Variants in RCSD1 observed in about 807,000 individuals in gnomAD.
RCSD1 encodes the protein capZ-interacting protein.
In RCSD1, 26 loss-of-function variants were observed where a neutral mutation model predicts 42.5. That is an observed-to-expected ratio of 0.61 (90% CI 0.45 to 0.85). The LOEUF is 0.85. Ranked by LOEUF, RCSD1 falls within the 40% of genes least tolerant of loss-of-function variation. The pLI is 0.00. For synonymous variants in RCSD1, 220 were observed against 212.2 expected (o/e 1.04, Z -0.32); for missense variants, 571 against 528.3 (o/e 1.08, Z -0.79).
At chr1:167,703,597 T>A (rs1659691531) in intron 6 of RCSD1, among the ~76,000 whole-genome samples, 1 of 152,202 alleles carries the variant, frequency 6.6e-6, no homozygotes. Flanking sequence ...CAAATGCCTC[T>A]TCCTATAAAT....
At chr1:167,642,518 T>C (rs1450793259) in intron 1 of RCSD1, among the ~76,000 whole-genome samples, 1 of 152,202 alleles carries the variant, frequency 6.6e-6, no homozygotes, top group African/African-American at 2.4e-5. Flanking sequence ...GGGGTGCAGA[T>C]ATGCAGGAAA....
At chr1:167,652,700 A>G (rs1230990926) in intron 1 of RCSD1, among the ~76,000 whole-genome samples, 2 of 152,184 alleles carry the variant, frequency 1.3e-5, no homozygotes, top group Non-Finnish European at 2.9e-5. Flanking sequence ...CGCAGGGCAC[A>G]AAGCATGGGG....
chr1:167,683,421 T>A (rs1659132314), intron 1 of RCSD1, among the ~76,000 whole-genome samples: 1 of 152,204 alleles, frequency 6.6e-6, no homozygotes, highest in Non-Finnish European at 1.5e-5. Flanking sequence ...TCGTGTCACT[T>A]ACTTATTAAT....
rs865827565 is a variant in RCSD1 at position 167,706,976 on chromosome 1, A to G, written c.*2280A>G. Reference sequence around the variant, plus strand: ...GGCTTCCATAATGGGTTTGAAAGAAAACACGGATTCTTCTACAGCAACAGA... The same window carrying G: ...GGCTTCCATAATGGGTTTGAAAGAAGACACGGATTCTTCTACAGCAACAGA... On this transcript the variant is annotated 3_prime_UTR_variant, in exon 7 of 7. Transcript: ENST00000367854. Among the ~76,000 whole-genome samples, 1 of 152,368 alleles carries G rather than the reference A, an allele frequency of 6.6e-6. No homozygotes were observed. The highest frequency in any genetic ancestry group is 2.1e-4 in the South Asian group (1 of 4,832).
At chr1:167,644,351 C>T (rs910702141) in intron 1 of RCSD1, among the ~76,000 whole-genome samples, 2 of 152,006 alleles carry the variant, frequency 1.3e-5, no homozygotes, top group South Asian at 2.1e-4. Context: ...TGGTGGTGTG[C>T]GCCTATAATC....
chr1:167,673,842 C>T (rs193058315), intron 1 of RCSD1, among the ~76,000 whole-genome samples: 198 of 152,342 alleles, frequency 1.3e-3, no homozygotes, highest in Non-Finnish European at 1.8e-4. Context: ...CCCCTCATGC[C>T]CACCTTCTCT....
At position 167,694,136 on chromosome 1, in the gene RCSD1, G is replaced by A; in HGVS notation, c.308G>A (p.Gly103Glu). Residue 103 changes from glycine (G) to glutamate (E), a missense_variant, in exon 5 of 7, where the codon GGG becomes GAG. Coordinates refer to ENST00000367854, the MANE Select transcript of RCSD1 (RefSeq NM_052862.4). ...LTFDPAALLP[G>E]ASPKSPGLKA... ...TTTGACCCAGCTGCTCTACTGCCTG[G>A]GGCCTCACCCAAGAGTCCTGGACTC... The A allele has an allele frequency of 1.9e-6, 3 of 1,614,144 alleles. No homozygotes were observed. The highest frequency in any genetic ancestry group is 2.5e-6 in the Non-Finnish European group (3 of 1,180,026).
At chr1:167,655,075 C>T (rs1658393124) in intron 1 of RCSD1, among the ~76,000 whole-genome samples, 1 of 152,136 alleles carries the variant, frequency 6.6e-6, no homozygotes, top group African/African-American at 2.4e-5. Flanking sequence ...GTACAAGGGC[C>T]TCTTGTTTCC....
At chr1:167,666,400 C>A (rs1658657098) in intron 1 of RCSD1, among the ~76,000 whole-genome samples, 1 of 152,224 alleles carries the variant, frequency 6.6e-6, no homozygotes, top group Admixed American at 6.5e-5. Context: ...AGTAAATTAG[C>A]TGTTTTATTA....
chr1:167,697,977 C>T (rs1201926394), intron 6 of RCSD1, 135 bp downstream of exon 6: 18 of 1,145,336 alleles, frequency 1.6e-5, no homozygotes, highest in East Asian at 3.0e-5. Flanking sequence ...GCTCCTGCCT[C>T]GTGCCAACTT....
At chr1:167,694,434 C>A (rs1659450298) in intron 5 of RCSD1, 132 bp downstream of exon 5, 1 of 856,868 alleles carries the variant, frequency 1.2e-6, no homozygotes, top group Non-Finnish European at 1.8e-6. Flanking sequence ...TGCGTGTTAA[C>A]CCAAGTGAAA....
At chr1:167,679,697 T>A (rs900225826) in intron 1 of RCSD1, among the ~76,000 whole-genome samples, 4 of 152,192 alleles carry the variant, frequency 2.6e-5, no homozygotes, top group Admixed American at 6.5e-5. Flanking sequence ...TCTCACTGCA[T>A]CTTCTCTTAA....
chr1:167,696,748 G>A (rs1428025853), intron 5 of RCSD1, among the ~76,000 whole-genome samples: 3 of 151,944 alleles, frequency 2.0e-5, no homozygotes, highest in Non-Finnish European at 2.9e-5. Context: ...CACCATGCCC[G>A]GCAAGAATTT....
At chr1:167,652,690 C>T (rs1458171056) in intron 1 of RCSD1, among the ~76,000 whole-genome samples, 2 of 152,150 alleles carry the variant, frequency 1.3e-5, no homozygotes, top group African/African-American at 4.8e-5. Context: ...TGTGACTCAT[C>T]GCAGGGCACA....
chr1:167,630,750 A>AAAAAAAAAAAAAAC (rs1657677604), intron 1 of RCSD1: 1 of 256,394 alleles, frequency 3.9e-6, no homozygotes, highest in Non-Finnish European at 7.2e-6. Flanking sequence ...AAAAAAAAAA[A>AAAAAAAAAAAAAAC]AAAGTTAGGT....
chr1:167,643,967 G>A lies in RCSD1; in HGVS notation c.6+13538G>A, dbSNP rs559594124. Among the ~76,000 whole-genome samples the A allele has an allele frequency of 2.6e-5, 4 of 152,282 alleles. No individual in the cohort carries two copies. In the South Asian group the frequency reaches 8.3e-4, roughly 32 times the overall value. On this transcript the variant is annotated intron_variant, in intron 1 of 6. Transcript: ENST00000367854. ...CTCCAGCCTGAGAGTTTGACAGAGG[G>A]GTGGTTATTGCATCCTGCCTGCAAA...
intron 1 of RCSD1, among the ~76,000 whole-genome samples, chr1:167,668,043 C>T (rs1658701510): frequency 6.6e-6 from 1 of 152,134 alleles, no homozygotes; most frequent in South Asian, 2.1e-4. Flanking sequence ...GTAATCCCGA[C>T]ACTTTAGGAG....
chr1:167,688,040 C>T (rs978447844), intron 3 of RCSD1, among the ~76,000 whole-genome samples: 1 of 152,168 alleles, frequency 6.6e-6, no homozygotes, highest in South Asian at 2.1e-4. Flanking sequence ...TTTTCTCCAC[C>T]GGATTGTTAG....
rs138164326 is a variant in RCSD1, at chr1:167,699,792, C to T, written c.1218+1950C>T. Among the ~76,000 whole-genome samples the T allele has an allele frequency of 3.9e-3, 594 of 152,324 alleles. 10 individuals are homozygous for T. The highest frequency in any genetic ancestry group is 0.014 in the African/African-American group (579 of 41,566). On this transcript the variant is annotated intron_variant, in intron 6 of 6. Transcript: ENST00000367854. ...CAATACAGCAAGCTCATTCCCACTT[C>T]AGAGCTCTATCCTTGCTGTCCCCTC...
Sources: gnomAD v4.1 joint callset for allele counts (sites outside exome capture counted in the v4.1 genomes callset) on GRCh38, gnomAD v4.1.1 for gene constraint, MANE v1.5 for transcripts, NCBI Gene and HGNC (gene_info 2026-07-23, HGNC 2026-07-21) for gene names.